Variants in TBC1D1 observed in about 807,000 individuals in gnomAD.
TBC1D1 encodes the protein TBC1 (tre-2/USP6, BUB2, cdc16) domain family, member 1.
A neutral mutation model predicts 125.6 loss-of-function variants in TBC1D1; 89 were observed. The ratio of observed to expected loss-of-function variants is 0.71; its 90% CI spans 0.60 to 0.85. TBC1D1 has a LOEUF of 0.85. TBC1D1 is among the 40% of genes least tolerant of loss of function. The probability of loss-of-function intolerance (pLI) is 0.00; values close to 1 mark genes in which losing one functional copy is unlikely to be tolerated. For synonymous variants in TBC1D1, 565 were observed against 564.1 expected, an observed-to-expected ratio of 1.00 and a Z score of -0.02; for missense variants, 1,377 against 1,469.2, an observed-to-expected ratio of 0.94 and a Z score of 1.03.
chr4:38,043,589 T>C (rs1383305679), intron 8 of TBC1D1, among the ~76,000 whole-genome samples: 1 of 78,278 alleles, frequency 1.3e-5, no homozygotes, highest in Non-Finnish European at 2.4e-5. Context: ...GCACCCTGTC[T>C]CAAAAAAAAA....
chr4:38,084,725 CT>C (rs71658753), intron 12 of TBC1D1, among the ~76,000 whole-genome samples: 72 of 143,876 alleles, frequency 5.0e-4, no homozygotes, highest in South Asian at 8.9e-4. Flanking sequence ...TTTTTAACTT[CT>C]TTTTTTTTTT....
At chr4:37,949,280 CAAT>C (rs1184617602) in intron 2 of TBC1D1, among the ~76,000 whole-genome samples, 2 of 152,176 alleles carry the variant, frequency 1.3e-5, no homozygotes, top group African/African-American at 4.8e-5. Flanking sequence ...TTACAGGTAT[CAAT>C]GATAGTGCTG....
intron 7 of TBC1D1, among the ~76,000 whole-genome samples, chr4:38,034,810 A>G (rs993545118): frequency 6.6e-5 from 10 of 152,256 alleles, no homozygotes; most frequent in Admixed American, 4.6e-4. Context: ...CTTTCTTCAT[A>G]TATGATAAAA....
In TBC1D1 at chr4:37,946,874, A is replaced by C. The variant is rs181402744; in HGVS notation, c.417+44362A>C. Among the ~76,000 whole-genome samples, 20 of 152,334 alleles carry C rather than the reference A, an allele frequency of 1.3e-4. No individual in the cohort carries two copies. In the East Asian group the frequency reaches 3.5e-3, roughly 26 times the overall value. ...CCTTGGTATTTACCCAAGAGAAAGG[A>C]AAATGCATGTCCACATCGTCTTGTA... On this transcript the variant is annotated intron_variant, in intron 2 of 19. Coordinates refer to ENST00000261439, the MANE Select transcript of TBC1D1 (RefSeq NM_015173.4).
intron 11 of TBC1D1, among the ~76,000 whole-genome samples, chr4:38,051,281 G>A (rs1750491346): frequency 6.6e-6 from 1 of 152,104 alleles, no homozygotes; most frequent in Non-Finnish European, 1.5e-5. Flanking sequence ...TCTCTAGCAT[G>A]GCCCATTCTG....
chr4:38,037,797 A>G (rs1272183915), intron 8 of TBC1D1, among the ~76,000 whole-genome samples: 1 of 152,222 alleles, frequency 6.6e-6, no homozygotes, highest in Non-Finnish European at 1.5e-5. Context: ...CAAAGACCAA[A>G]AGAATAGTGC....
chr4:38,020,559 C>T, intron 4 of TBC1D1, 32 bp from the exon 5 acceptor site: 1 of 1,575,888 alleles, frequency 6.3e-7, no homozygotes, highest in Non-Finnish European at 8.7e-7. Flanking sequence ...CTTCTGGATA[C>T]AACTGAACAT....
intron 2 of TBC1D1, chr4:37,960,547 T>C: frequency 6.2e-7 from 1 of 1,614,162 alleles, no homozygotes. Flanking sequence ...TTAGATGGGA[T>C]ATCTCAAGTT....
chr4:37,945,004 A>C (rs1726375584), intron 2 of TBC1D1, among the ~76,000 whole-genome samples: 1 of 152,204 alleles, frequency 6.6e-6, no homozygotes, highest in African/African-American at 2.4e-5. Context: ...ATTTTAAGAA[A>C]GCAGAACTAG....
chr4:38,069,692 G>C (rs1754367763), intron 12 of TBC1D1, among the ~76,000 whole-genome samples: 1 of 152,208 alleles, frequency 6.6e-6, no homozygotes, highest in East Asian at 1.9e-4. Context: ...CACGTAGCTG[G>C]CTGCCAATCT....
At chr4:37,930,032 G>A (rs1323747037) in intron 2 of TBC1D1, among the ~76,000 whole-genome samples, 2 of 152,054 alleles carry the variant, frequency 1.3e-5, no homozygotes, top group Non-Finnish European at 2.9e-5. Flanking sequence ...CTAAGAATTC[G>A]TGCACATTAT....
chr4:38,029,265 G>C (rs1248066217), intron 7 of TBC1D1, among the ~76,000 whole-genome samples: 1 of 152,056 alleles, frequency 6.6e-6, no homozygotes, highest in African/African-American at 2.4e-5. Flanking sequence ...CTAGCAACTG[G>C]GTGGGTTTAA....
At chr4:38,048,643 G>C (rs766249978) in intron 10 of TBC1D1, among the ~76,000 whole-genome samples, 4 of 148,246 alleles carry the variant, frequency 2.7e-5, no homozygotes, top group African/African-American at 1.0e-4. Context: ...TCCACTGTTA[G>C]ATGCATTCAT....
At chr4:37,924,912 C>T (rs754015717) in intron 2 of TBC1D1, among the ~76,000 whole-genome samples, 2 of 152,196 alleles carry the variant, frequency 1.3e-5, no homozygotes, top group Non-Finnish European at 2.9e-5. Flanking sequence ...CCTGGGTCAA[C>T]CAAGCATGTG....
chr4:37,960,859 G>A, intron 2 of TBC1D1: 1 of 1,614,188 alleles, frequency 6.2e-7, no homozygotes, highest in Non-Finnish European at 8.5e-7. Context: ...CTCCCCTTGA[G>A]TGGAGTGCCT....
intron 2 of TBC1D1, among the ~76,000 whole-genome samples, chr4:37,912,366 C>T (rs1280318703): frequency 6.6e-6 from 1 of 152,124 alleles, no homozygotes; most frequent in African/African-American, 2.4e-5. Context: ...ATAGTATGTG[C>T]CATGCCATAG....
At chr4:38,100,384 C>A (rs1578705042) in intron 14 of TBC1D1, among the ~76,000 whole-genome samples, 1 of 152,332 alleles carries the variant, frequency 6.6e-6, no homozygotes, top group East Asian at 1.9e-4. Flanking sequence ...GTGGTCACGG[C>A]ACTCCAGCCT....
chr4:38,004,514 G>T (rs575371523), intron 2 of TBC1D1, among the ~76,000 whole-genome samples: 2 of 152,262 alleles, frequency 1.3e-5, no homozygotes, highest in South Asian at 4.1e-4. Flanking sequence ...AAACAAAAAA[G>T]AAATCTTGTA....
chr4:38,050,576 C>T (rs927913415), intron 11 of TBC1D1, among the ~76,000 whole-genome samples: 1 of 152,194 alleles, frequency 6.6e-6, no homozygotes, highest in Non-Finnish European at 1.5e-5. Flanking sequence ...TCATTTAACT[C>T]TGTGTGCCAG....
Sources: allele counts gnomAD v4.1 joint callset (sites outside exome capture counted in the v4.1 genomes callset), GRCh38; gene constraint gnomAD v4.1.1; transcripts MANE v1.5; gene names NCBI Gene and HGNC (gene_info 2026-07-23, HGNC 2026-07-21).